XPO7: variants seen among roughly 807,000 people sequenced by gnomAD.
The protein encoded by XPO7 is exportin 7.
In XPO7, 21 loss-of-function variants were observed where a neutral mutation model predicts 144.3. The observed-to-expected ratio is 0.15, with a 90% CI of 0.10 to 0.21. XPO7 has a LOEUF of 0.21. Among genes scored for constraint, XPO7 ranks in the 10% least tolerant of loss-of-function variants. XPO7 has a pLI of 1.00. For missense variants in XPO7, 808 were observed against 1,325.8 expected, an observed-to-expected ratio of 0.61 and a Z score of 6.06; for synonymous variants, 580 against 499.6, an observed-to-expected ratio of 1.16 and a Z score of -2.15.
chr8:21,943,211 T>G (rs888453502), intron 1 of XPO7, among the ~76,000 whole-genome samples: 1 of 152,182 alleles, frequency 6.6e-6, no homozygotes, highest in East Asian at 1.9e-4. Flanking sequence ...TCCAGCACTC[T>G]CGGGTTAATT....
chr8:21,931,194 G>A (rs200565122), intron 1 of XPO7, among the ~76,000 whole-genome samples: 47 of 148,198 alleles, frequency 3.2e-4, no homozygotes, highest in African/African-American at 1.1e-3. Context: ...ACAGAGTCTC[G>A]CTCTGTTGAC....
At chr8:21,964,347 G>C (rs2117318759) in intron 1 of XPO7, 1 of 152,248 alleles carries the variant, frequency 6.6e-6, no homozygotes, top group Middle Eastern at 3.4e-3. Context: ...GCCACCCTTA[G>C]TGTGAAGTAC....
At chr8:22,001,507 C>A (rs950011855) in intron 24 of XPO7, among the ~76,000 whole-genome samples, 4 of 152,148 alleles carry the variant, frequency 2.6e-5, no homozygotes, top group Non-Finnish European at 5.9e-5. Flanking sequence ...CAGCTCCCCC[C>A]AGAGATGCTT....
At position 21,966,342 on chromosome 8, in the gene XPO7, T is replaced by C. The variant is rs1414658808; in HGVS notation, c.19-515T>C. 3.8e-6 allele frequency: 3 copies of C among 779,796 alleles called. No homozygotes were observed. In the South Asian group the frequency reaches 4.0e-5, roughly 11 times the overall value. 48.3% of individuals were successfully genotyped at this position (779,796 alleles called of 1,614,324 possible). A position where few individuals can be genotyped will look rare whatever the true frequency, so the allele number is the denominator to read the frequency against. ...CGTAAATACATCTTGAAGCTTTCTC[T>C]AGAGGTTTTCTCGTACAGGTGACCA... On this transcript the variant is annotated intron_variant, in intron 1 of 27. Transcript: ENST00000252512.
intron 6 of XPO7, among the ~76,000 whole-genome samples, 154 bp downstream of exon 6, chr8:21,974,928 G>A (rs1317639273): frequency 6.6e-6 from 1 of 152,220 alleles, no homozygotes; most frequent in Non-Finnish European, 1.5e-5. Flanking sequence ...AGGCGTTGAA[G>A]AAACTGGTCA....
intron 1 of XPO7, chr8:21,966,186 G>T: frequency 2.8e-6 from 2 of 704,268 alleles, no homozygotes; most frequent in Admixed American, 2.2e-5. Flanking sequence ...TCTTATCTGT[G>T]AGTGAGCATA....
chr8:21,967,110 A>G (rs1811910302), intron 2 of XPO7, 107 bp downstream of exon 2: 1 of 1,420,630 alleles, frequency 7.0e-7, no homozygotes, highest in Admixed American at 2.4e-5. Flanking sequence ...TGATTTTTCT[A>G]GGTGTCCCTG....
intron 1 of XPO7, among the ~76,000 whole-genome samples, chr8:21,942,228 G>A (rs544028717): frequency 2.0e-5 from 3 of 152,230 alleles, no homozygotes; most frequent in African/African-American, 7.2e-5. Context: ...ATTTGTAGCA[G>A]CAGTTCTCAA....
chr8:21,952,920 A>G (rs1427401980), intron 1 of XPO7, among the ~76,000 whole-genome samples: 2 of 152,194 alleles, frequency 1.3e-5, no homozygotes, highest in African/African-American at 4.8e-5. Flanking sequence ...GGCAAATTAG[A>G]TGTTTTTACT....
intron 1 of XPO7, among the ~76,000 whole-genome samples, chr8:21,945,228 C>T (rs951030999): frequency 6.6e-6 from 1 of 152,136 alleles, no homozygotes; most frequent in African/African-American, 2.4e-5. Flanking sequence ...GGCGGCCGGG[C>T]GGGGGCTGCC....
intron 1 of XPO7, among the ~76,000 whole-genome samples, chr8:21,941,406 C>T (rs1810989067): frequency 6.6e-6 from 1 of 152,148 alleles, no homozygotes; most frequent in African/African-American, 2.4e-5. Flanking sequence ...CTCGCCTTGG[C>T]CTTCCAAAGT....
intron 16 of XPO7, among the ~76,000 whole-genome samples, chr8:21,989,304 G>C (rs751333284): frequency 2.6e-5 from 4 of 152,204 alleles, no homozygotes; most frequent in African/African-American, 9.7e-5. Context: ...GTTTAGTACA[G>C]ATTTATCCCT....
chr8:21,954,958 T>G (rs1475833616), intron 1 of XPO7, among the ~76,000 whole-genome samples: 2 of 152,212 alleles, frequency 1.3e-5, no homozygotes, highest in Non-Finnish European at 2.9e-5. Flanking sequence ...TTAACATTCT[T>G]AGGAGTACTG....
intron 1 of XPO7, among the ~76,000 whole-genome samples, chr8:21,924,368 C>G (rs538561336): frequency 6.6e-6 from 1 of 152,094 alleles, no homozygotes; most frequent in East Asian, 1.9e-4. Context: ...TCCTTACTAA[C>G]CAGCACCCAA....
intron 10 of XPO7, 102 bp downstream of exon 10, chr8:21,981,979 A>AC: frequency 6.7e-7 from 1 of 1,494,770 alleles, no homozygotes; most frequent in Non-Finnish European, 9.1e-7. Context: ...GGCAAAGGTA[A>AC]CCATAAGTCC....
At chr8:21,998,242 C>T (rs1461483946) in intron 21 of XPO7, among the ~76,000 whole-genome samples, 1 of 152,094 alleles carries the variant, frequency 6.6e-6, no homozygotes, top group Non-Finnish European at 1.5e-5. Flanking sequence ...GAGATCGAGA[C>T]CATCCTGGCT....
chr8:21,970,402 G>C, intron 4 of XPO7, 92 bp downstream of exon 4: 1 of 1,160,608 alleles, frequency 8.6e-7, no homozygotes, highest in Non-Finnish European at 1.2e-6. Context: ...AACTTAACAC[G>C]CTTATCTACT....
chr8:21,998,843 T>C lies in XPO7; in HGVS notation c.2428+6T>C. On this transcript the variant is annotated splice_donor_region_variant and intron_variant, in intron 22 of 27. Coordinates refer to ENST00000252512, the MANE Select transcript of XPO7 (RefSeq NM_015024.5). ...CAAGATGATAACAATGTATGGTAAG[T>C]GCTTCAGATAATCATGCCTCTAGAA... 6.2e-7 allele frequency: 1 copy of C among 1,613,796 alleles called. No homozygotes were observed. The highest frequency in any genetic ancestry group is 8.5e-7 in the Non-Finnish European group (1 of 1,179,700).
At chr8:21,935,840 C>T (rs765605512) in intron 1 of XPO7, among the ~76,000 whole-genome samples, 8 of 151,928 alleles carry the variant, frequency 5.3e-5, no homozygotes, top group Non-Finnish European at 1.2e-4. Flanking sequence ...ATATCTTTCT[C>T]TCTCTCTCAA....
Sources: gnomAD v4.1 joint callset for allele counts (sites outside exome capture counted in the v4.1 genomes callset) on GRCh38, gnomAD v4.1.1 for gene constraint, MANE v1.5 for transcripts, NCBI Gene and HGNC (gene_info 2026-07-23, HGNC 2026-07-21) for gene names.